NTN1: variants seen among roughly 807,000 people sequenced by gnomAD.
The protein encoded by NTN1 is netrin 1, also known as netrin-1.
A neutral mutation model predicts 54.2 loss-of-function variants in NTN1; 11 were observed. That is an observed-to-expected ratio of 0.20 (90% CI 0.13 to 0.34). NTN1 has a LOEUF of 0.34. NTN1 is among the 10% of genes least tolerant of loss of function. The pLI is 1.00. For missense variants in NTN1, 740 were observed against 893.1 expected, an observed-to-expected ratio of 0.83 and a Z score of 2.18; for synonymous variants, 371 against 382.0, an observed-to-expected ratio of 0.97 and a Z score of 0.33.
intron 2 of NTN1, among the ~76,000 whole-genome samples, chr17:9,079,253 G>A (rs780039343): frequency 1.1e-4 from 16 of 152,158 alleles, no homozygotes; most frequent in Non-Finnish European, 1.8e-4. Flanking sequence ...CCATTCTTGC[G>A]GGGTAGGAGA....
intron 2 of NTN1, among the ~76,000 whole-genome samples, chr17:9,061,176 G>A (rs576049687): frequency 2.6e-5 from 4 of 152,236 alleles, no homozygotes; most frequent in Non-Finnish European, 2.9e-5. Context: ...TGGTTTCTAG[G>A]GAGGTGGAGA....
chr17:9,060,212 G>T (rs1054080260), intron 2 of NTN1, among the ~76,000 whole-genome samples: 1 of 151,634 alleles, frequency 6.6e-6, no homozygotes, highest in East Asian at 1.9e-4. Flanking sequence ...AGCCTACTCC[G>T]TGTGAAGATG....
At chr17:9,170,288 G>C (rs777485261) in intron 3 of NTN1, among the ~76,000 whole-genome samples, 4 of 152,230 alleles carry the variant, frequency 2.6e-5, no homozygotes, top group Non-Finnish European at 5.9e-5. Context: ...CATGTAGCAT[G>C]CGTTCCATGT....
intron 2 of NTN1, among the ~76,000 whole-genome samples, chr17:9,044,780 G>A (rs777020334): frequency 5.7e-4 from 86 of 152,202 alleles, no homozygotes; most frequent in Non-Finnish European, 1.0e-3. Context: ...CATGTAACTC[G>A]ATCTTCCACA....
chr17:9,064,515 T>C (rs2142210198), intron 2 of NTN1, among the ~76,000 whole-genome samples: 1 of 152,290 alleles, frequency 6.6e-6, no homozygotes, highest in African/African-American at 2.4e-5. Context: ...TCCAAATCCC[T>C]CTTTTTCTTT....
In NTN1 at chr17:9,212,408, A is replaced by G. The variant is rs1314901318; in HGVS notation, c.1412-8760A>G. Among the ~76,000 whole-genome samples, 1 of 152,166 alleles carries G rather than the reference A, an allele frequency of 6.6e-6. No individual in the cohort carries two copies. ...CTGCGGCACCTTGAAAACCGAACAC[A>G]TGGAAATCTGGACTCTCTGGCCGCG... On this transcript the variant is annotated intron_variant, in intron 5 of 6. Coordinates refer to ENST00000173229, the MANE Select transcript of NTN1 (RefSeq NM_004822.3). This position sits in a 1 kb window ranked among gnomAD's most constrained non-coding sequence, Gnocchi z 5.5.
At chr17:9,232,139 C>T (rs1905836146) in intron 6 of NTN1, among the ~76,000 whole-genome samples, 1 of 152,168 alleles carries the variant, frequency 6.6e-6, no homozygotes, top group Non-Finnish European at 1.5e-5. Context: ...GGCCCAGCCC[C>T]TTAAAGGGTC....
At chr17:9,075,955 C>T (rs980141669) in intron 2 of NTN1, among the ~76,000 whole-genome samples, 4 of 152,224 alleles carry the variant, frequency 2.6e-5, no homozygotes, top group African/African-American at 7.2e-5. Context: ...TAGGGAGGCC[C>T]CATGGGCTGG....
chr17:9,071,462 C>T (rs2092031710), intron 2 of NTN1, among the ~76,000 whole-genome samples: 3 of 151,542 alleles, frequency 2.0e-5, no homozygotes, highest in Non-Finnish European at 2.9e-5. Context: ...TCTTAAATGA[C>T]ATTTTTAAAA....
chr17:9,055,954 A>G (rs181683116), intron 2 of NTN1, among the ~76,000 whole-genome samples: 45 of 146,950 alleles, frequency 3.1e-4, no homozygotes, highest in South Asian at 1.1e-3. Flanking sequence ...CTGGAGTGCA[A>G]TGGCGCAATC....
At chr17:9,155,431 T>G (rs944248536) in intron 2 of NTN1, among the ~76,000 whole-genome samples, 1 of 150,538 alleles carries the variant, frequency 6.6e-6, no homozygotes, top group East Asian at 2.0e-4. Context: ...AACCTTTGCC[T>G]CCCGGGTTCA....
upstream of NTN1, among the ~76,000 whole-genome samples, chr17:9,019,194 T>G (rs34436494): frequency 6.2e-3 from 949 of 152,348 alleles, 8 homozygotes; most frequent in African/African-American, 0.022. Flanking sequence ...TTCTCTTACT[T>G]CATATTTTAC....
chr17:9,195,968 G>A (rs1222781038), intron 5 of NTN1, among the ~76,000 whole-genome samples: 1 of 152,140 alleles, frequency 6.6e-6, no homozygotes, highest in Non-Finnish European at 1.5e-5. Flanking sequence ...CATTCTGCAA[G>A]CCATTTGTTA....
rs189561390 is a variant in NTN1, at chr17:9,212,446, A to C, written c.1412-8722A>C. Among the ~76,000 whole-genome samples the C allele has an allele frequency of 2.0e-3, 306 of 152,284 alleles. 2 individuals carry two copies. Among genetic ancestry groups the C allele is most frequent in the Middle Eastern group, 6.8e-3 (2 of 294 alleles). ...CTCTCTGGCCGCGGAGATTCCATGC[A>C]GCTTTCTGGTTCTAGATCAGGCAGC... On this transcript the variant is annotated intron_variant, in intron 5 of 6. Transcript: ENST00000173229. The surrounding 1 kb of genome is among the most constrained non-coding windows in gnomAD (Gnocchi z 5.5).
intron 5 of NTN1, among the ~76,000 whole-genome samples, chr17:9,216,910 T>C (rs1198721779): frequency 6.6e-6 from 1 of 152,034 alleles, no homozygotes; most frequent in African/African-American, 2.4e-5. Context: ...GACGAGCTGG[T>C]GTGTGCCTAT....
chr17:9,008,414 G>A, the NTN1 span, among the ~76,000 whole-genome samples: 3 of 152,154 alleles, frequency 2.0e-5, no homozygotes, highest in African/African-American at 7.2e-5. Flanking sequence ...GGCCTCCTGG[G>A]TTCAAGTGAT....
At chr17:9,032,143 G>C (rs770981869) in intron 2 of NTN1, among the ~76,000 whole-genome samples, 7 of 152,196 alleles carry the variant, frequency 4.6e-5, no homozygotes, top group Non-Finnish European at 8.8e-5. Context: ...AGTGTCCGGG[G>C]TGCAGGGAGG....
intron 2 of NTN1, among the ~76,000 whole-genome samples, chr17:9,066,466 A>T (rs1488135257): frequency 6.6e-6 from 1 of 151,374 alleles, no homozygotes; most frequent in Non-Finnish European, 1.5e-5. Context: ...GTCTCTACTA[A>T]AAATACAAAA....
chr17:9,058,832 G>T (rs1304920796), intron 2 of NTN1, among the ~76,000 whole-genome samples: 2 of 151,916 alleles, frequency 1.3e-5, no homozygotes, highest in African/African-American at 4.8e-5. Flanking sequence ...TGTCTTTAAG[G>T]AGTTGAAGGG....
Sources: gnomAD v4.1 joint callset for allele counts (sites outside exome capture counted in the v4.1 genomes callset) on GRCh38, gnomAD v4.1.1 for gene constraint, Gnocchi (gnomAD v3.1) non-coding constraint, MANE v1.5 for transcripts, NCBI Gene and HGNC (gene_info 2026-07-23, HGNC 2026-07-21) for gene names.